EFL1: variants seen among roughly 807,000 people sequenced by gnomAD.
The protein encoded by EFL1 is elongation factor like GTPase 1, also known as elongation factor-like GTPase 1.
In EFL1, 76 loss-of-function variants were observed where a neutral mutation model predicts 126.7. The ratio of observed to expected loss-of-function variants is 0.60; its 90% CI spans 0.50 to 0.73. EFL1 has a LOEUF of 0.73. EFL1 is among the 30% of genes least tolerant of loss of function. The pLI is 0.00. For missense variants in EFL1, 1,128 were observed against 1,343.2 expected, an observed-to-expected ratio of 0.84 and a Z score of 2.50; for synonymous variants, 410 against 448.4, an observed-to-expected ratio of 0.91 and a Z score of 1.08.
rs182999879 is a variant in EFL1 at position 82,189,838 on chromosome 15, G to T, written c.1750+24879C>A. 2.4e-4 allele frequency among the ~76,000 whole-genome samples: 37 copies of T among 152,160 alleles called. No homozygotes were observed. The South Asian group carries it at 2.5e-3, about 10-fold the overall frequency. ...TTTCACTTAAAATTTTCACTGGGCTGAGCACAGTGGCTCACGCCTGTAATC... is the reference window on the plus strand; with the variant it reads ...TTTCACTTAAAATTTTCACTGGGCTTAGCACAGTGGCTCACGCCTGTAATC... On this transcript the variant is annotated intron_variant, in intron 15 of 19. Transcript: ENST00000268206.
chr15:82,226,444 G>A (rs1370297596), intron 11 of EFL1, among the ~76,000 whole-genome samples: 1 of 152,210 alleles, frequency 6.6e-6, no homozygotes, highest in African/African-American at 2.4e-5. Flanking sequence ...AGGATTTGCT[G>A]ATGGACTGGA....
At chr15:82,134,409 C>T (rs547108308) in intron 19 of EFL1, among the ~76,000 whole-genome samples, 2 of 151,706 alleles carry the variant, frequency 1.3e-5, no homozygotes, top group South Asian at 2.1e-4. Context: ...CAGAATTCAT[C>T]GGCCTAGAGT....
intron 15 of EFL1, among the ~76,000 whole-genome samples, chr15:82,203,478 C>G (rs1311969831): frequency 1.3e-5 from 2 of 152,144 alleles, no homozygotes; most frequent in African/African-American, 4.8e-5. Context: ...CGGGTTCAAG[C>G]AATTCTCTGC....
chr15:82,226,064 T>C (rs1205488684), intron 11 of EFL1, among the ~76,000 whole-genome samples: 2 of 152,238 alleles, frequency 1.3e-5, no homozygotes, highest in Non-Finnish European at 2.9e-5. Flanking sequence ...CCCTGATTTA[T>C]ATCTTAAGAG....
Position 82,182,050 on chromosome 15 carries a change from G to C in EFL1, c.1751-18066C>G, listed in dbSNP as rs565874141. Among the ~76,000 whole-genome samples, 3 of 152,192 alleles carry C rather than the reference G, an allele frequency of 2.0e-5. No individual in the cohort carries two copies. In the South Asian group the frequency reaches 6.2e-4, roughly 32 times the overall value. The stretch of plus-strand genomic sequence containing the variant: ...TGAGGCAGGCAGATCATGAGGTCAG[G>C]AGTTTGAGGCCAGCCTGGTCAACAT... On this transcript the variant is annotated intron_variant, in intron 15 of 19. Coordinates refer to ENST00000268206, the MANE Select transcript of EFL1 (RefSeq NM_024580.6).
chr15:82,209,316 G>GACACAGACAC (rs377447819), intron 15 of EFL1, among the ~76,000 whole-genome samples: 37 of 146,342 alleles, frequency 2.5e-4, no homozygotes, highest in Admixed American at 8.2e-4. Context: ...CACAGACACA[G>GACACAGACAC]ACACACACAC....
intron 18 of EFL1, among the ~76,000 whole-genome samples, chr15:82,140,651 T>C (rs370798763): frequency 2.6e-5 from 4 of 152,322 alleles, no homozygotes; most frequent in African/African-American, 4.8e-5. Context: ...AATACCACTT[T>C]ACAATGGATG....
chr15:82,169,091 G>A (rs908965233), intron 15 of EFL1, among the ~76,000 whole-genome samples: 2 of 152,098 alleles, frequency 1.3e-5, no homozygotes, highest in African/African-American at 4.8e-5. Flanking sequence ...ACCCAATGGA[G>A]CTTGGTTCTC....
At chr15:82,137,617 C>G (rs2073735917) in intron 19 of EFL1, among the ~76,000 whole-genome samples, 2 of 152,228 alleles carry the variant, frequency 1.3e-5, no homozygotes, top group African/African-American at 2.4e-5. Context: ...CCAGGACTCT[C>G]TGACTCCAAA....
chr15:82,155,407 C>A (rs1437566982), intron 17 of EFL1, among the ~76,000 whole-genome samples: 1 of 152,062 alleles, frequency 6.6e-6, no homozygotes, highest in Admixed American at 6.5e-5. Context: ...GAGGCCGAGG[C>A]AGGAGAATTG....
In EFL1 at chr15:82,151,450, C is replaced by T; in HGVS notation, c.2989+15G>A. ...TTCAGGGCATTTCTCACTATCTTTA[C>T]CTTTTCTTCCTTACCGAGAACATCA... On this transcript the variant is annotated intron_variant, in intron 18 of 19. Coordinates refer to ENST00000268206, the MANE Select transcript of EFL1 (RefSeq NM_024580.6). The T allele has an allele frequency of 3.8e-6, 6 of 1,586,998 alleles. No homozygotes were observed. Among genetic ancestry groups the T allele is most frequent in the Middle Eastern group, 1.7e-4 (1 of 5,832 alleles).
chr15:82,146,045 A>T (rs1567039624), intron 18 of EFL1, among the ~76,000 whole-genome samples: 1 of 152,118 alleles, frequency 6.6e-6, no homozygotes, highest in Non-Finnish European at 1.5e-5. Flanking sequence ...CATTAGAGGG[A>T]AATTTCATGA....
In EFL1 at chr15:82,262,697, G is replaced by A. The variant is rs753416042; in HGVS notation, c.-103C>T. The A allele has an allele frequency of 7.8e-6, 5 of 640,508 alleles. No individual in the cohort carries two copies. Among genetic ancestry groups the A allele is most frequent in the South Asian group, 4.2e-5 (2 of 48,040 alleles). The allele number at this position is 640,508 out of a possible 1,614,324, so 39.7% of individuals were successfully genotyped here. The stretch of plus-strand genomic sequence containing the variant: ...CTTCCGAAAGTCCGAGAGCTCTGCG[G>A]GTCCGACACGCCCGCGCGCCAGGGG... On this transcript the variant is annotated 5_prime_UTR_variant, in exon 1 of 20. Transcript: ENST00000268206.
chr15:82,202,030 T>C (rs1797701699), intron 15 of EFL1, among the ~76,000 whole-genome samples: 1 of 152,028 alleles, frequency 6.6e-6, no homozygotes, highest in African/African-American at 2.4e-5. Context: ...AAGGATTCAC[T>C]CCTTTTGCCT....
At chr15:82,259,473 T>A (rs1406945109) in intron 2 of EFL1, among the ~76,000 whole-genome samples, 3 of 152,204 alleles carry the variant, frequency 2.0e-5, no homozygotes, top group Admixed American at 6.5e-5. Flanking sequence ...AGCTGGAATT[T>A]GCTAAACTGT....
At position 82,238,347 on chromosome 15, in the gene EFL1, T is replaced by C. The variant is rs1338590780; in HGVS notation, c.691A>G (p.Asn231Asp). Residue 231 changes from asparagine (N) to aspartate (D), a missense_variant, in exon 7 of 20, where the codon AAT (asparagine) becomes GAT (aspartate). Asn to Asp is a conservative substitution (Grantham distance 23). Transcript: ENST00000268206. The part of the protein sequence containing the change: ...SHLYFSPEQG[N>D]VVFTSAIDGW... ...TCTATTGCACTGGTAAACACCACAT[T>C]TCCCTGTTCTGGAGAGAAGTAAAGG... 2 of 1,614,072 alleles carry C rather than the reference T, an allele frequency of 1.2e-6. No individual in the cohort carries two copies. The highest frequency in any genetic ancestry group is 1.7e-6 in the Non-Finnish European group (2 of 1,180,036).
At chr15:82,235,987 T>C (rs2074868936) in intron 7 of EFL1, among the ~76,000 whole-genome samples, 1 of 152,156 alleles carries the variant, frequency 6.6e-6, no homozygotes, top group Admixed American at 6.5e-5. Flanking sequence ...GGTGACAGTA[T>C]ACAAGATCAA....
intron 18 of EFL1, among the ~76,000 whole-genome samples, chr15:82,148,517 G>C (rs2073873422): frequency 6.6e-6 from 1 of 152,140 alleles, no homozygotes; most frequent in African/African-American, 2.4e-5. Flanking sequence ...ATGTTACAGA[G>C]GATAGCAAGA....
intron 15 of EFL1, among the ~76,000 whole-genome samples, chr15:82,214,022 G>A (rs191056917): frequency 1.1e-3 from 170 of 152,266 alleles, no homozygotes; most frequent in Admixed American, 3.6e-3. Context: ...CTAAAAAGCG[G>A]AGAATTCCCA....
Sources: allele counts gnomAD v4.1 joint callset (sites outside exome capture counted in the v4.1 genomes callset), GRCh38; gene constraint gnomAD v4.1.1; transcripts MANE v1.5; gene names NCBI Gene and HGNC (gene_info 2026-07-23, HGNC 2026-07-21).